UBA2: variants seen among roughly 807,000 people sequenced by gnomAD.
UBA2 encodes ubiquitin like modifier activating enzyme 2.
Under a neutral mutation model 77.2 loss-of-function variants are expected in UBA2, and 11 were observed. That is an observed-to-expected ratio of 0.14 (90% CI 0.09 to 0.24). The LOEUF is 0.24. Ranked by LOEUF, UBA2 falls within the 10% of genes least tolerant of loss-of-function variation. The pLI is 1.00. For missense variants in UBA2, 487 were observed against 781.7 expected (o/e 0.62, Z 4.50); for synonymous variants, 278 against 276.7 (o/e 1.00, Z -0.05).
chr19:34,458,627 G>T, intron 12 of UBA2, 142 bp from the exon 13 acceptor site: 4 of 436,622 alleles, frequency 9.2e-6, no homozygotes, highest in Non-Finnish European at 1.2e-5. Flanking sequence ...AAAAGGTCAT[G>T]ATTTTCCTGA....
At position 34,428,421 on chromosome 19, in the gene UBA2, G is replaced by C; in HGVS notation, c.-12G>C. ...CGCCTCCGCCTCCGCCGCGGCTCGT[G>C]GTTGTCCCGCCATGGCACTGTCGCG... On this transcript the variant is annotated 5_prime_UTR_variant, in exon 1 of 17. Transcript: ENST00000246548. The C allele has an allele frequency of 8.0e-7, 1 of 1,255,346 alleles. No individual in the cohort carries two copies. Among genetic ancestry groups the C allele is most frequent in the Non-Finnish European group, 1.0e-6 (1 of 998,752 alleles). The allele number at this position is 1,255,346 out of a possible 1,614,324, so 77.8% of individuals were successfully genotyped here. A position where few individuals can be genotyped will look rare whatever the true frequency, so the allele number is the denominator to read the frequency against.
At chr19:34,433,251 T>G in intron 3 of UBA2, 97 bp from the exon 4 acceptor site, 1 of 838,402 alleles carries the variant, frequency 1.2e-6, no homozygotes. Flanking sequence ...CAGTTTTGTT[T>G]ACAGTTACTA....
rs1486151476 is a variant in UBA2 at position 34,457,176 on chromosome 19, AAAAATATATATATAT to A, written c.1246-1591_1246-1577del. Among the ~76,000 whole-genome samples the A allele has an allele frequency of 1.7e-3, 172 of 100,184 alleles. 2 individuals carry two copies. The highest frequency in any genetic ancestry group is 7.8e-3 in the African/African-American group (150 of 19,190). The allele number at this position is 100,184 out of a possible 152,430, so 65.7% of individuals were successfully genotyped here. A position where few individuals can be genotyped will look rare whatever the true frequency, so the allele number is the denominator to read the frequency against. On this transcript the variant is annotated intron_variant, in intron 12 of 16. Transcript: ENST00000246548. ...AAACCTGGTCTCTACTAAAAAAAAAAAAAATATATATATATATATATATATATATATATATATAAA... is the reference window on the plus strand; with the variant it reads ...AAACCTGGTCTCTACTAAAAAAAAAAATATATATATATATATATATATAAA...
chr19:34,469,826 T>C lies in UBA2; in HGVS notation c.*605T>C, dbSNP rs1268059234. 1.3e-5 allele frequency: 2 copies of C among 152,666 alleles called. No individual in the cohort carries two copies. The highest frequency in any genetic ancestry group is 1.3e-4 in the Admixed American group (2 of 15,272). The allele number at this position is 152,666 out of a possible 1,614,324, so 9.5% of individuals were successfully genotyped here. A position where few individuals can be genotyped will look rare whatever the true frequency, so the allele number is the denominator to read the frequency against. ...ACAGTTTCAGGTTATTTATATTCGA[T>C]GTTTTGTAAAACTCAAATAACGACT... is the stretch of plus-strand genomic sequence containing the variant. On this transcript the variant is annotated 3_prime_UTR_variant, in exon 17 of 17. Coordinates refer to ENST00000246548, the MANE Select transcript of UBA2 (RefSeq NM_005499.3).
Position 34,441,004 on chromosome 19 carries a change from C to T in UBA2, c.581+2238C>T, listed in dbSNP as rs143687364. ...AGTGTGTCTTGACCACGTGTCTATT[C>T]AGGAATACAAGCATGGTTTAAACTA... On this transcript the variant is annotated intron_variant, in intron 6 of 16. Transcript: ENST00000246548. Among the ~76,000 whole-genome samples, 70 of 151,384 alleles carry T rather than the reference C, an allele frequency of 4.6e-4. 1 individual carries two copies. In the East Asian group the frequency reaches 0.012, roughly 26 times the overall value.
rs2075401732 is a variant in UBA2 at position 34,444,073 on chromosome 19, CAG to C, written c.649+165_649+166del. 2.8e-5 allele frequency among the ~76,000 whole-genome samples: 2 copies of C among 70,230 alleles called. 1 individual carries two copies. Among genetic ancestry groups the C allele is most frequent in the South Asian group, 9.9e-4 (2 of 2,020 alleles). 46.1% of individuals were successfully genotyped at this position (70,230 alleles called of 152,430 possible). ...TTTTTTTTTTTTTTTTTTTTTGTCT[CAG>C]AGGTGGAGTTTCTCTCTTATTGCCC... On this transcript the variant is annotated intron_variant, in intron 7 of 16. Transcript: ENST00000246548.
intron 14 of UBA2, among the ~76,000 whole-genome samples, chr19:34,462,321 G>A (rs2075640321): frequency 6.6e-6 from 1 of 152,182 alleles, no homozygotes; most frequent in Admixed American, 6.5e-5. Context: ...GCATTACAAT[G>A]TTAGCAGCGT....
chr19:34,433,112 T>A (rs2075273247), intron 3 of UBA2: 1 of 442,814 alleles, frequency 2.3e-6, no homozygotes, highest in African/African-American at 2.0e-5. Context: ...TTCTGCCAGT[T>A]TGAGATCTTT....
intron 12 of UBA2, among the ~76,000 whole-genome samples, chr19:34,457,447 G>C (rs1441595305): frequency 1.3e-5 from 2 of 151,856 alleles, no homozygotes; most frequent in African/African-American, 2.4e-5. Context: ...TGTTAGCCCA[G>C]GTATTAATAG....
intron 9 of UBA2, among the ~76,000 whole-genome samples, chr19:34,451,043 A>G (rs2145536916): frequency 6.6e-6 from 1 of 152,228 alleles, no homozygotes; most frequent in East Asian, 1.9e-4. Context: ...CCCAGATTAG[A>G]GTGCAGTGGC....
In UBA2 at chr19:34,428,439, C is replaced by G; in HGVS notation, c.7C>G (p.Leu3Val). MA[L>V]SRGLPRELAE... ...GGCTCGTGGTTGTCCCGCCATGGCA[C>G]TGTCGCGGGGGCTGCCCCGGGAGCT... Residue 3 changes from leucine (L) to valine (V), a missense_variant, in exon 1 of 17, where the codon CTG becomes GTG. Transcript: ENST00000246548. 1 of 1,271,070 alleles carries G rather than the reference C, an allele frequency of 7.9e-7. No homozygotes were observed. The highest frequency in any genetic ancestry group is 9.9e-7 in the Non-Finnish European group (1 of 1,005,810). 78.7% of individuals were successfully genotyped at this position (1,271,070 alleles called of 1,614,324 possible). A position where few individuals can be genotyped will look rare whatever the true frequency, so the allele number is the denominator to read the frequency against.
intron 10 of UBA2, among the ~76,000 whole-genome samples, chr19:34,453,884 C>T (rs113716176): frequency 0.015 from 2,287 of 152,242 alleles, 56 homozygotes; most frequent in African/African-American, 0.053. Flanking sequence ...GTTTGTCCAG[C>T]AACCTTCTCT....
rs139651096 is a variant in UBA2, at chr19:34,461,163, T to A, written c.1498+597T>A. ...CTCCTTGGTCACTTTTGCAGCTCAT[T>A]TCTTGAGTTGCTGTTCTCGTTTTTT... On this transcript the variant is annotated intron_variant, in intron 14 of 16. Coordinates refer to ENST00000246548, the MANE Select transcript of UBA2 (RefSeq NM_005499.3). Among the ~76,000 whole-genome samples, 265 of 152,332 alleles carry A rather than the reference T, an allele frequency of 1.7e-3. 2 individuals are homozygous for A. Among genetic ancestry groups the A allele is most frequent in the African/African-American group, 6.2e-3 (259 of 41,574 alleles).
intron 12 of UBA2, among the ~76,000 whole-genome samples, chr19:34,455,273 C>T (rs1435746275): frequency 6.6e-6 from 1 of 152,190 alleles, no homozygotes; most frequent in African/African-American, 2.4e-5. Flanking sequence ...TCCCCCTCCA[C>T]TAAGCACCAA....
chr19:34,458,151 C>T (rs760587717), intron 12 of UBA2, among the ~76,000 whole-genome samples: 2 of 152,178 alleles, frequency 1.3e-5, no homozygotes, highest in Non-Finnish European at 1.5e-5. Context: ...GATTAACATG[C>T]CTGTGCCCTT....
intron 3 of UBA2, among the ~76,000 whole-genome samples, chr19:34,432,863 C>T (rs78440777): frequency 0.015 from 2,304 of 150,134 alleles, 60 homozygotes; most frequent in African/African-American, 0.055. Context: ...CCTGTATCTC[C>T]GGCTTGTTTT....
chr19:34,454,581 A>G lies in UBA2; in HGVS notation c.1245+25A>G, dbSNP rs780645837. ...AGTGAGTATTTCTGTTTGCATTTTT[A>G]TGCAACCCCCCTTAAAAAAATCATT... On this transcript the variant is annotated intron_variant, in intron 12 of 16. Coordinates refer to ENST00000246548, the MANE Select transcript of UBA2 (RefSeq NM_005499.3). 9 of 1,169,130 alleles carry G rather than the reference A, an allele frequency of 7.7e-6. No individual in the cohort carries two copies. The South Asian group carries it at 1.2e-4, about 15-fold the overall frequency. 72.4% of individuals were successfully genotyped at this position (1,169,130 alleles called of 1,614,324 possible).
rs765772822 is a variant in UBA2, at chr19:34,460,582, T to TAA, written c.1498+16_1498+17insAA. 2.5e-4 allele frequency: 386 copies of TAA among 1,551,898 alleles called. No individual in the cohort carries two copies. Among genetic ancestry groups the TAA allele is most frequent in the Non-Finnish European group, 3.0e-4 (337 of 1,137,776 alleles). On this transcript the variant is annotated intron_variant, in intron 14 of 16. Coordinates refer to ENST00000246548, the MANE Select transcript of UBA2 (RefSeq NM_005499.3). Reference sequence around the variant, plus strand: ...GAGACGGAAGGTATCATACATTGTATTTATTCATTCCTCTCATTGAGGAGA... The same window carrying TAA: ...GAGACGGAAGGTATCATACATTGTATAATTATTCATTCCTCTCATTGAGGAGA...
At chr19:34,464,522 C>T (rs2075667383) in intron 15 of UBA2, among the ~76,000 whole-genome samples, 1 of 150,504 alleles carries the variant, frequency 6.6e-6, no homozygotes, top group South Asian at 2.1e-4. Flanking sequence ...CGCGCCATTG[C>T]ACTCCAACCT....
Sources: gnomAD v4.1 joint callset for allele counts (sites outside exome capture counted in the v4.1 genomes callset) on GRCh38, gnomAD v4.1.1 for gene constraint, MANE v1.5 for transcripts, NCBI Gene and HGNC (gene_info 2026-07-23, HGNC 2026-07-21) for gene names.